Variants in SUCLG2 observed in about 807,000 individuals in gnomAD.
SUCLG2 encodes succinate--CoA ligase [GDP-forming] subunit beta, mitochondrial.
In SUCLG2, 42 loss-of-function variants were observed where a neutral mutation model predicts 47.9. The observed-to-expected ratio is 0.88, with a 90% confidence interval of 0.69 to 1.14. The LOEUF (loss-of-function observed/expected upper bound fraction) is 1.14. SUCLG2 is among the 50% of genes most tolerant of loss of function. The probability of loss-of-function intolerance (pLI) is 0.00; values close to 1 mark genes in which losing one functional copy is unlikely to be tolerated. For synonymous variants in SUCLG2, 195 were observed against 197.3 expected (o/e 0.99, Z 0.10); for missense variants, 571 against 525.9 (o/e 1.09, Z -0.84).
chr3:67,525,941 C>T (rs961825543), intron 4 of SUCLG2, among the ~76,000 whole-genome samples: 3 of 152,168 alleles, frequency 2.0e-5, no homozygotes, highest in Admixed American at 1.3e-4. Flanking sequence ...AAAACATAAT[C>T]TAATTAGAAA....
At chr3:67,606,660 G>C (rs1700424374) in intron 2 of SUCLG2, among the ~76,000 whole-genome samples, 1 of 151,938 alleles carries the variant, frequency 6.6e-6, no homozygotes, top group Non-Finnish European at 1.5e-5. Context: ...TATTTTACTG[G>C]GATTTTTTCA....
At chr3:67,495,158 C>A (rs1359940721) in intron 9 of SUCLG2, among the ~76,000 whole-genome samples, 1 of 152,114 alleles carries the variant, frequency 6.6e-6, no homozygotes, top group East Asian at 1.9e-4. Flanking sequence ...GTACTCTTCC[C>A]TCTAAATCAT....
intron 9 of SUCLG2, among the ~76,000 whole-genome samples, chr3:67,485,960 T>C (rs1212384457): frequency 6.6e-6 from 1 of 152,098 alleles, no homozygotes; most frequent in Non-Finnish European, 1.5e-5. Flanking sequence ...AGACTGGGGG[T>C]TTCTGATTGT....
chr3:67,464,762 T>C (rs564388699), intron 9 of SUCLG2, among the ~76,000 whole-genome samples: 4 of 152,254 alleles, frequency 2.6e-5, no homozygotes, highest in African/African-American at 7.2e-5. Context: ...CTACTTTACT[T>C]TGTCTTTTAG....
chr3:67,517,004 T>G (rs919540879), intron 6 of SUCLG2, among the ~76,000 whole-genome samples: 2 of 152,190 alleles, frequency 1.3e-5, no homozygotes, highest in Non-Finnish European at 2.9e-5. Context: ...TTCCAGGATC[T>G]TCCTTTCAAC....
At chr3:67,619,844 A>G (rs977115979) in intron 1 of SUCLG2, among the ~76,000 whole-genome samples, 2 of 152,232 alleles carry the variant, frequency 1.3e-5, no homozygotes, top group African/African-American at 4.8e-5. Flanking sequence ...TTAGCATATT[A>G]GCACAACAGC....
intron 9 of SUCLG2, among the ~76,000 whole-genome samples, chr3:67,432,446 A>C (rs1285133732): frequency 6.6e-6 from 1 of 152,216 alleles, no homozygotes; most frequent in African/African-American, 2.4e-5. Context: ...CCTTGGGCAA[A>C]CAGCTGCGAA....
chr3:67,426,057 G>A (rs1703293444), intron 9 of SUCLG2, among the ~76,000 whole-genome samples: 1 of 152,086 alleles, frequency 6.6e-6, no homozygotes. Flanking sequence ...ATTCCTATGA[G>A]AAAGATTCTG....
At chr3:67,609,260 CCAT>C (rs1700484049) in intron 2 of SUCLG2, among the ~76,000 whole-genome samples, 192 bp downstream of exon 2, 1 of 41,872 alleles carries the variant, frequency 2.4e-5, no homozygotes, top group Non-Finnish European at 4.8e-5. Context: ...GCTGCAGTCA[CCAT>C]GTGATTCCTG....
At chr3:67,537,512 C>A (rs1163135922) in intron 2 of SUCLG2, among the ~76,000 whole-genome samples, 1 of 152,158 alleles carries the variant, frequency 6.6e-6, no homozygotes, top group Admixed American at 6.5e-5. Context: ...CTATTGTGCA[C>A]AGTGCCGAAA....
intron 9 of SUCLG2, among the ~76,000 whole-genome samples, chr3:67,450,965 C>G (rs13088154): frequency 0.018 from 2,811 of 152,260 alleles, 44 homozygotes; most frequent in Non-Finnish European, 0.028. Flanking sequence ...GTTTATTGAG[C>G]GCTTACTCTG....
At chr3:67,454,055 C>T (rs7625317) in intron 9 of SUCLG2, among the ~76,000 whole-genome samples, 4,942 of 152,294 alleles carry the variant, frequency 0.032, 128 homozygotes, top group East Asian at 0.12. Flanking sequence ...TGACTGATGA[C>T]AGCCTTATAT....
chr3:67,609,841 C>G (rs772555026), intron 1 of SUCLG2, among the ~76,000 whole-genome samples: 51 of 152,088 alleles, frequency 3.4e-4, no homozygotes, highest in Non-Finnish European at 6.2e-4. Context: ...GCTGAGTGAG[C>G]TCTGTGATCT....
At chr3:67,601,708 T>G (rs768517666) in intron 2 of SUCLG2, among the ~76,000 whole-genome samples, 5 of 152,018 alleles carry the variant, frequency 3.3e-5, no homozygotes, top group Non-Finnish European at 7.4e-5. Flanking sequence ...CCTATAATCT[T>G]CCCAACTTGG....
chr3:67,379,602 C>T (rs1321700903), intron 10 of SUCLG2, among the ~76,000 whole-genome samples: 1 of 152,226 alleles, frequency 6.6e-6, no homozygotes, highest in Non-Finnish European at 1.5e-5. Flanking sequence ...TCCTCTTTTG[C>T]ACCCAACTTA....
chr3:67,613,035 G>A (rs1371262265), intron 1 of SUCLG2, among the ~76,000 whole-genome samples: 1 of 152,080 alleles, frequency 6.6e-6, no homozygotes, highest in Non-Finnish European at 1.5e-5. Flanking sequence ...CCTCTCTGGG[G>A]GTACCACCTT....
At chr3:67,597,177 C>A (rs532532740) in intron 2 of SUCLG2, among the ~76,000 whole-genome samples, 27 of 152,304 alleles carry the variant, frequency 1.8e-4, no homozygotes, top group Non-Finnish European at 1.5e-5. Flanking sequence ...CTGAAGAGAA[C>A]CCTGGACATA....
chr3:67,567,182 CAAAAG>C (rs1278997801), intron 2 of SUCLG2, among the ~76,000 whole-genome samples: 3 of 140,778 alleles, frequency 2.1e-5, no homozygotes, highest in Non-Finnish European at 4.6e-5. Flanking sequence ...GAGCCTGTCT[CAAAAG>C]AAAAAAAAAA....
At chr3:67,370,255 T>G (rs1048485724), downstream of SUCLG2, among the ~76,000 whole-genome samples, 1 of 152,124 alleles carries the variant, frequency 6.6e-6, no homozygotes, top group Non-Finnish European at 1.5e-5. Flanking sequence ...ATTTAAAACA[T>G]AGGATAATTA....
Sources: allele counts gnomAD v4.1 joint callset (sites outside exome capture counted in the v4.1 genomes callset), GRCh38; gene constraint gnomAD v4.1.1; transcripts MANE v1.5; gene names NCBI Gene and HGNC (gene_info 2026-07-23, HGNC 2026-07-21).